The following BNC2 variants were observed in gnomAD, a reference collection of about 807,000 sequenced individuals.
BNC2 encodes basonuclin zinc finger protein 2, also known as zinc finger protein basonuclin-2.
BNC2 carries 20 observed loss-of-function variants against 76.3 expected under a neutral mutation model. That is an observed-to-expected ratio of 0.26 (90% CI 0.18 to 0.38). The LOEUF (loss-of-function observed/expected upper bound fraction) is 0.38. BNC2 is among the 10% of genes least tolerant of loss of function. BNC2 has a pLI of 1.00. For synonymous variants in BNC2, 582 were observed against 514.8 expected (o/e 1.13, Z -1.77); for missense variants, 1,382 against 1,399.8 (o/e 0.99, Z 0.20).
intron 1 of BNC2, among the ~76,000 whole-genome samples, chr9:16,838,373 GGAGAAA>G (rs1818753696): frequency 6.6e-6 from 1 of 152,144 alleles, no homozygotes; most frequent in Non-Finnish European, 1.5e-5. Context: ...TGGCCAACAT[GGAGAAA>G]CCCCATCTCT....
At chr9:16,657,387 A>C (rs1237397225) in intron 3 of BNC2, among the ~76,000 whole-genome samples, 3 of 152,230 alleles carry the variant, frequency 2.0e-5, no homozygotes, top group African/African-American at 7.2e-5. Context: ...ACAGAGAAAT[A>C]AGTAAAAAAA....
intron 1 of BNC2, among the ~76,000 whole-genome samples, chr9:16,845,104 G>A (rs370693007): frequency 6.6e-6 from 1 of 152,094 alleles, no homozygotes; most frequent in Non-Finnish European, 1.5e-5. Context: ...CCTATCAGTC[G>A]GGCTGGGGGC....
chr9:16,733,558 A>T (rs1306732584), intron 2 of BNC2, among the ~76,000 whole-genome samples: 1 of 152,178 alleles, frequency 6.6e-6, no homozygotes, highest in Non-Finnish European at 1.5e-5. Context: ...GCCCAAAAAA[A>T]AAAGAAAACT....
At chr9:16,656,055 T>C (rs1211785220) in intron 3 of BNC2, among the ~76,000 whole-genome samples, 1 of 152,154 alleles carries the variant, frequency 6.6e-6, no homozygotes, top group African/African-American at 2.4e-5. Context: ...TGGAGACACT[T>C]TTGGTTGTCA....
intron 3 of BNC2, among the ~76,000 whole-genome samples, chr9:16,720,951 T>C (rs978089074): frequency 6.6e-6 from 1 of 152,206 alleles, no homozygotes; most frequent in Non-Finnish European, 1.5e-5. Flanking sequence ...ACCTGAGGGT[T>C]TGAATGTACA....
chr9:16,621,387 T>C (rs1435361289), intron 3 of BNC2, among the ~76,000 whole-genome samples: 1 of 152,180 alleles, frequency 6.6e-6, no homozygotes, highest in Non-Finnish European at 1.5e-5. Context: ...TGAGACAGTA[T>C]GGCTTCACAG....
chr9:16,414,996 T>A lies in BNC2; in HGVS notation c.*3993A>T, dbSNP rs535039499. 6.6e-6 allele frequency: 1 copy of A among 151,506 alleles called. No homozygotes were observed. The highest frequency in any genetic ancestry group is 6.6e-5 in the Admixed American group (1 of 15,208). 9.4% of individuals were successfully genotyped at this position (151,506 alleles called of 1,614,324 possible). ...CAGTTAAGTGCCTTTCTCCTCTTAC[T>A]GGAAGGGCCTGAAAATTCATGACCA... On this transcript the variant is annotated 3_prime_UTR_variant, in exon 7 of 7. Coordinates refer to ENST00000380672, the MANE Select transcript of BNC2 (RefSeq NM_017637.6).
chr9:16,797,724 G>A lies in BNC2; in HGVS notation c.4-59239C>T, dbSNP rs1018622500. On this transcript the variant is annotated intron_variant, in intron 1 of 6. Transcript: ENST00000380672. Reference sequence around the variant, plus strand: ...GTCTTAAAAGAAACTGGGGTTTCTTGCCACCCTAGAAACCAGCAGACCTAA... The same window carrying A: ...GTCTTAAAAGAAACTGGGGTTTCTTACCACCCTAGAAACCAGCAGACCTAA... Among the ~76,000 whole-genome samples, 5 of 151,998 alleles carry A rather than the reference G, an allele frequency of 3.3e-5. No individual in the cohort carries two copies. The East Asian group carries it at 9.7e-4, about 29-fold the overall frequency.
At chr9:16,640,611 T>C (rs1477180063) in intron 3 of BNC2, among the ~76,000 whole-genome samples, 10 of 152,176 alleles carry the variant, frequency 6.6e-5, no homozygotes, top group Non-Finnish European at 1.5e-4. Context: ...ATGTAGAACA[T>C]ATTCAAGTTT....
At chr9:16,746,756 A>G (rs1192826522) in intron 1 of BNC2, among the ~76,000 whole-genome samples, 1 of 151,514 alleles carries the variant, frequency 6.6e-6, no homozygotes, top group Non-Finnish European at 1.5e-5. Flanking sequence ...AGGTCAGGAG[A>G]TCGAGACCAT....
At chr9:16,578,764 T>C (rs1819552934) in intron 4 of BNC2, among the ~76,000 whole-genome samples, 1 of 152,198 alleles carries the variant, frequency 6.6e-6, no homozygotes. Flanking sequence ...TTTGTTGTTA[T>C]TGTTTTTCAA....
chr9:16,794,885 G>A (rs1252504936), intron 1 of BNC2, among the ~76,000 whole-genome samples: 2 of 143,236 alleles, frequency 1.4e-5, no homozygotes, highest in Non-Finnish European at 3.0e-5. Flanking sequence ...AATTACAACA[G>A]CTTATCTGAT....
chr9:16,805,755 C>G (rs1387472440), intron 1 of BNC2, among the ~76,000 whole-genome samples: 2 of 151,954 alleles, frequency 1.3e-5, no homozygotes, highest in Admixed American at 1.3e-4. Flanking sequence ...AGTGTCCCTT[C>G]TGAATTCTGC....
intron 1 of BNC2, among the ~76,000 whole-genome samples, chr9:16,850,003 C>A (rs1819089029): frequency 1.3e-5 from 2 of 152,060 alleles, no homozygotes; most frequent in East Asian, 1.9e-4. Context: ...TTTGTTTATG[C>A]CCCCCACACA....
At chr9:16,421,116 G>C (rs926568354) in intron 6 of BNC2, 6 of 285,546 alleles carry the variant, frequency 2.1e-5, no homozygotes, top group African/African-American at 1.3e-4. Context: ...ATTTCCTAGA[G>C]ATGGTTGAGA....
intron 5 of BNC2, among the ~76,000 whole-genome samples, chr9:16,505,696 G>A (rs1462688683): frequency 6.6e-6 from 1 of 152,052 alleles, no homozygotes; most frequent in Non-Finnish European, 1.5e-5. Flanking sequence ...ATCAGTAACA[G>A]TTAAAGACAA....
intron 6 of BNC2, among the ~76,000 whole-genome samples, chr9:16,431,732 T>G (rs1229904495): frequency 6.6e-6 from 1 of 152,208 alleles, no homozygotes; most frequent in East Asian, 1.9e-4. Flanking sequence ...AGACAATTTT[T>G]CCACAGATGT....
At chr9:16,746,627 A>G (rs1226468833) in intron 1 of BNC2, among the ~76,000 whole-genome samples, 2 of 150,522 alleles carry the variant, frequency 1.3e-5, no homozygotes, top group African/African-American at 4.9e-5. Context: ...AGCCTCCCAA[A>G]GTGCTGGGAT....
At chr9:16,725,282 G>T (rs1002734927) in intron 3 of BNC2, among the ~76,000 whole-genome samples, 2 of 150,742 alleles carry the variant, frequency 1.3e-5, no homozygotes, top group Admixed American at 1.3e-4. Context: ...TGAACTACAG[G>T]TAAGAAAAAC....
Sources: allele counts gnomAD v4.1 joint callset (sites outside exome capture counted in the v4.1 genomes callset), GRCh38; gene constraint gnomAD v4.1.1; transcripts MANE v1.5; gene names NCBI Gene and HGNC (gene_info 2026-07-23, HGNC 2026-07-21).